The following CATSPERE variants were observed in gnomAD, a reference collection of about 807,000 sequenced individuals.
CATSPERE encodes catsper channel auxiliary subunit epsilon.
Under a neutral mutation model 114.1 loss-of-function variants are expected in CATSPERE, and 93 were observed. The ratio of observed to expected loss-of-function variants is 0.81; its 90% confidence interval spans 0.69 to 0.97. The LOEUF (loss-of-function observed/expected upper bound fraction) is 0.97, where lower values mean the gene tolerates loss of function less well. CATSPERE is among the 50% of genes least tolerant of loss of function. The pLI is 0.00. For synonymous variants in CATSPERE, 341 were observed against 384.1 expected (o/e 0.89, Z 1.31); for missense variants, 1,058 against 1,131.6 (o/e 0.93, Z 0.93).
intron 2 of CATSPERE, among the ~76,000 whole-genome samples, chr1:244,470,921 A>G (rs1046207613): frequency 1.3e-5 from 2 of 152,242 alleles, no homozygotes; most frequent in Admixed American, 1.3e-4. Context: ...ACAAAGGACC[A>G]CATGTTGTAT....
chr1:244,530,995 C>T (rs1025258665), intron 8 of CATSPERE, among the ~76,000 whole-genome samples: 6 of 151,666 alleles, frequency 4.0e-5, no homozygotes, highest in Non-Finnish European at 5.9e-5. Context: ...TCTGGGAGGC[C>T]GAGGCAGGCA....
At chr1:244,510,686 T>G (rs1675551329) in intron 7 of CATSPERE, among the ~76,000 whole-genome samples, 4 of 152,120 alleles carry the variant, frequency 2.6e-5, no homozygotes, top group Admixed American at 2.0e-4. Context: ...TAGAGTTCTG[T>G]CCAATGCTGA....
At chr1:244,569,166 C>T (rs1256617554) in intron 10 of CATSPERE, among the ~76,000 whole-genome samples, 1 of 152,114 alleles carries the variant, frequency 6.6e-6, no homozygotes, top group Non-Finnish European at 1.5e-5. Context: ...CACAGTCCCT[C>T]GTGGCTTCCC....
chr1:244,563,223 A>T (rs1254920204), intron 10 of CATSPERE, among the ~76,000 whole-genome samples: 3 of 152,226 alleles, frequency 2.0e-5, no homozygotes, highest in Non-Finnish European at 4.4e-5. Context: ...TGCAATAAAC[A>T]TAGGTGTGCA....
chr1:244,631,148 G>C (rs1673891553), intron 20 of CATSPERE, among the ~76,000 whole-genome samples: 1 of 152,058 alleles, frequency 6.6e-6, no homozygotes, highest in African/African-American at 2.4e-5. Flanking sequence ...GGTTATGCTT[G>C]CAACATGAAC....
At chr1:244,533,640 A>G (rs1489014404) in intron 8 of CATSPERE, among the ~76,000 whole-genome samples, 1 of 152,136 alleles carries the variant, frequency 6.6e-6, no homozygotes, top group Non-Finnish European at 1.5e-5. Flanking sequence ...AAGAAAACTA[A>G]TAAGCATTCT....
At chr1:244,589,108 A>T (rs1667400538) in intron 14 of CATSPERE, among the ~76,000 whole-genome samples, 1 of 152,078 alleles carries the variant, frequency 6.6e-6, no homozygotes, top group Non-Finnish European at 1.5e-5. Flanking sequence ...CATTCACCAT[A>T]CCTCTCTTTC....
chr1:244,462,956 C>T (rs1429989582), intron 1 of CATSPERE, among the ~76,000 whole-genome samples: 6 of 152,028 alleles, frequency 3.9e-5, no homozygotes, highest in African/African-American at 9.7e-5. Flanking sequence ...AAATGGAAGG[C>T]GAAGGAATTG....
Position 244,544,517 on chromosome 1 carries a change from A to G in CATSPERE, c.537-7805A>G, listed in dbSNP as rs928332080. ...ACTTAGCAGCTGACAGAATCCCCAT[A>G]TTAGTTCCTGTCCTGTGAAGTGAGG... On this transcript the variant is annotated intron_variant, in intron 8 of 21. Transcript: ENST00000366534. Among the ~76,000 whole-genome samples, 8 of 152,328 alleles carry G rather than the reference A, an allele frequency of 5.3e-5. No homozygotes were observed. The South Asian group carries it at 1.7e-3, about 32-fold the overall frequency.
intron 17 of CATSPERE, among the ~76,000 whole-genome samples, chr1:244,595,889 C>T (rs566889042): frequency 5.3e-5 from 8 of 152,090 alleles, no homozygotes; most frequent in South Asian, 2.1e-4. Flanking sequence ...GCCGAGATGG[C>T]GCCACTGCAC....
At chr1:244,594,857 G>T (rs1668182935) in intron 17 of CATSPERE, among the ~76,000 whole-genome samples, 1 of 152,124 alleles carries the variant, frequency 6.6e-6, no homozygotes, top group Non-Finnish European at 1.5e-5. Context: ...ACTCTACCAT[G>T]TGCCCTTTCC....
intron 19 of CATSPERE, 145 bp from the exon 20 acceptor site, chr1:244,617,384 A>G: frequency 1.8e-6 from 1 of 554,906 alleles, no homozygotes; most frequent in Non-Finnish European, 3.0e-6. Context: ...TCGCTCTTAA[A>G]GTGCTATAAA....
chr1:244,490,837 T>A (rs1671982660), intron 6 of CATSPERE, among the ~76,000 whole-genome samples: 1 of 152,116 alleles, frequency 6.6e-6, no homozygotes, highest in East Asian at 1.9e-4. Context: ...AATAGTTATT[T>A]TTCATAAAAA....
At position 244,463,956 on chromosome 1, in the gene CATSPERE, T is replaced by A; in HGVS notation, c.114T>A (p.Thr38=). 4.4e-6 allele frequency: 7 copies of A among 1,594,380 alleles called. No homozygotes were observed. Among genetic ancestry groups the A allele is most frequent in the Non-Finnish European group, 6.0e-6 (7 of 1,162,746 alleles). ...ATCGCATTTTTAGTACCAGAAGTAC[T>A]GTAAGTGTTGAATTTTTAATAAACT... is the stretch of plus-strand genomic sequence containing the variant. ...PNYRIFSTRS[T]IKLEYEGTLF... The change falls in exon 2 of 22, where the codon ACT becomes ACA. Residue 38 remains threonine, a splice_region_variant and synonymous_variant. Coordinates refer to ENST00000366534, the MANE Select transcript of CATSPERE (RefSeq NM_001130957.2).
chr1:244,618,955 C>T (rs1043657383), intron 20 of CATSPERE, among the ~76,000 whole-genome samples: 4 of 152,026 alleles, frequency 2.6e-5, no homozygotes, highest in South Asian at 2.1e-4. Flanking sequence ...AAGAAGGAAA[C>T]GATATAGTTT....
chr1:244,638,949 T>C (rs763067489), intron 21 of CATSPERE, among the ~76,000 whole-genome samples: 1 of 152,252 alleles, frequency 6.6e-6, no homozygotes, highest in Non-Finnish European at 1.5e-5. Context: ...ACTCATGCTT[T>C]GCTTTCATCC....
intron 20 of CATSPERE, among the ~76,000 whole-genome samples, chr1:244,623,817 T>TA (rs1672713911): frequency 6.6e-6 from 1 of 152,244 alleles, no homozygotes; most frequent in South Asian, 2.1e-4. Context: ...CAGCTTAATT[T>TA]AAAAAATACT....
At chr1:244,455,387 A>G (rs1365923143) in intron 1 of CATSPERE, among the ~76,000 whole-genome samples, 1 of 152,208 alleles carries the variant, frequency 6.6e-6, no homozygotes, top group African/African-American at 2.4e-5. Flanking sequence ...CTGTGTGTCC[A>G]TGGTTATAAA....
chr1:244,491,396 C>T (rs1210597352), intron 6 of CATSPERE, among the ~76,000 whole-genome samples: 5 of 151,684 alleles, frequency 3.3e-5, no homozygotes, highest in African/African-American at 9.7e-5. Flanking sequence ...TTGAAACCAA[C>T]GAGAACAAAG....
Sources: gnomAD v4.1 joint callset for allele counts (sites outside exome capture counted in the v4.1 genomes callset) on GRCh38, gnomAD v4.1.1 for gene constraint, MANE v1.5 for transcripts, NCBI Gene and HGNC (gene_info 2026-07-23, HGNC 2026-07-21) for gene names.